FAM72A: variants seen among roughly 807,000 people sequenced by gnomAD.
FAM72A encodes the protein regulator of UNG2 and MKLN1 interacting yippee protein 1, also known as protein FAM72A.
FAM72A carries 1 observed loss-of-function variant against 11.3 expected under a neutral mutation model. The observed-to-expected ratio is 0.09, with a 90% CI of 0.03 to 0.42. The LOEUF (loss-of-function observed/expected upper bound fraction) is 0.42, where lower values mean the gene tolerates loss of function less well. Ranked by LOEUF, FAM72A falls within the 10% of genes least tolerant of loss-of-function variation. The pLI, the probability that FAM72A is intolerant of heterozygous loss-of-function variation, is 0.98. For missense variants in FAM72A, 15 were observed against 135.5 expected, an observed-to-expected ratio of 0.11 and a Z score of 4.41; for synonymous variants, 5 against 46.9, an observed-to-expected ratio of 0.11 and a Z score of 3.65.
upstream of FAM72A, chr1:206,204,800 C>G (rs1211340135): frequency 4.1e-5 from 5 of 123,182 alleles, no homozygotes; most frequent in Non-Finnish European, 6.5e-5. Flanking sequence ...CGCCGCCCCC[C>G]GGTTTTCCCG....
chr1:206,203,518 G>T (rs1345920117), upstream of FAM72A: 1 of 505,432 alleles, frequency 2.0e-6, no homozygotes, highest in East Asian at 3.1e-5. Context: ...GCGGGGTCCT[G>T]CGGAGTTGGC....
chr1:206,190,544 C>G (rs1186204314), intron 3 of FAM72A, among the ~76,000 whole-genome samples: 1 of 147,612 alleles, frequency 6.8e-6, no homozygotes, highest in Non-Finnish European at 1.5e-5. Context: ...CATTTAGGAA[C>G]CTAAGAATGC....
intron 3 of FAM72A, among the ~76,000 whole-genome samples, chr1:206,190,914 T>G (rs1409141497): frequency 6.6e-6 from 1 of 150,490 alleles, no homozygotes; most frequent in African/African-American, 2.4e-5. Context: ...TGGTCTGTTG[T>G]GTAAATAGAT....
In FAM72A at chr1:206,195,842, A is replaced by G. The variant is rs1283516728; in HGVS notation, c.265T>C (p.Cys89Arg). ...NIVGYHVIVPCSSCLLSCNNG... is the reference protein window; with the variant it reads ...NIVGYHVIVPRSSCLLSCNNG... ...TTGCAGGAAAGAAGACAGGAACTAC[A>G]TGGAACAATCACATGATAACCTACA... is the stretch of plus-strand genomic sequence containing the variant. The change falls in exon 3 of 4, where the codon TGT becomes CGT. Residue 89 changes from cysteine to arginine, a missense_variant. This residue lies in a region of FAM72A where 5 missense variants were observed against 100.4 expected (regional missense o/e 0.05). Coordinates refer to ENST00000367128, the MANE Select transcript of FAM72A (RefSeq NM_001123168.3). 6.2e-7 allele frequency: 1 copy of G among 1,611,686 alleles called. No homozygotes were observed. Among genetic ancestry groups the G allele is most frequent in the Admixed American group, 1.7e-5 (1 of 59,968 alleles).
intron 3 of FAM72A, among the ~76,000 whole-genome samples, chr1:206,193,098 A>T (rs1664878274): frequency 6.6e-6 from 1 of 150,988 alleles, no homozygotes; most frequent in Non-Finnish European, 1.5e-5. Context: ...TTTTTAGTAG[A>T]GACGGGGTTT....
chr1:206,196,732 A>G (rs1643379267), intron 2 of FAM72A, among the ~76,000 whole-genome samples: 1 of 148,932 alleles, frequency 6.7e-6, no homozygotes, highest in African/African-American at 2.5e-5. Flanking sequence ...GAAAGTTGCA[A>G]AAGTTTTTAC....
chr1:206,193,722 CT>C (rs1302163574), intron 3 of FAM72A, among the ~76,000 whole-genome samples: 2 of 151,680 alleles, frequency 1.3e-5, no homozygotes, highest in Non-Finnish European at 2.9e-5. Context: ...TGCCTGTGCG[CT>C]GTCAATGAAA....
At chr1:206,192,141 T>A (rs1187754094) in intron 3 of FAM72A, among the ~76,000 whole-genome samples, 2 of 55,432 alleles carry the variant, frequency 3.6e-5, no homozygotes, top group African/African-American at 1.7e-4. Context: ...TATATTATGG[T>A]GATCTGTGAT....
At chr1:206,198,642 C>A (rs146121570) in intron 2 of FAM72A, among the ~76,000 whole-genome samples, 1 of 151,702 alleles carries the variant, frequency 6.6e-6, no homozygotes, top group Non-Finnish European at 1.5e-5. Flanking sequence ...AATAATAACA[C>A]GTCTACTCAA....
intron 2 of FAM72A, among the ~76,000 whole-genome samples, chr1:206,197,041 G>A (rs1665103170): frequency 6.8e-6 from 1 of 148,062 alleles, no homozygotes; most frequent in Non-Finnish European, 1.5e-5. Flanking sequence ...TGCTTGAAAG[G>A]CAAACAAATG....
At chr1:206,196,546 G>A (rs1665066273) in intron 2 of FAM72A, among the ~76,000 whole-genome samples, 1 of 109,378 alleles carries the variant, frequency 9.1e-6, no homozygotes, top group East Asian at 2.5e-4. Flanking sequence ...CAGGACTGTG[G>A]CAAGTTGGGT....
upstream of FAM72A, chr1:206,203,020 G>T (rs1460105946): frequency 6.5e-6 from 1 of 153,336 alleles, no homozygotes; most frequent in African/African-American, 2.4e-5. Flanking sequence ...CCCCAGTAAC[G>T]GTGCTGAGAT....
intron 2 of FAM72A, among the ~76,000 whole-genome samples, chr1:206,197,253 C>T (rs1553298448): frequency 1.3e-5 from 2 of 152,248 alleles, no homozygotes; most frequent in African/African-American, 4.8e-5. Flanking sequence ...AAACAAAGCC[C>T]TTGTTCTCAC....
upstream of FAM72A, chr1:206,203,744 G>A (rs1665551268): frequency 6.9e-6 from 10 of 1,439,642 alleles, no homozygotes; most frequent in Non-Finnish European, 9.3e-6. Context: ...AGGAGAGGGC[G>A]CGGATGCTGC....
intron 3 of FAM72A, among the ~76,000 whole-genome samples, chr1:206,187,658 G>A (rs1213853394): frequency 6.6e-6 from 1 of 152,106 alleles, no homozygotes; most frequent in Non-Finnish European, 1.5e-5. Context: ...TGAACCTCCA[G>A]GGCTCAAGTG....
chr1:206,203,283 G>A (rs1169467353), upstream of FAM72A: 5 of 395,898 alleles, frequency 1.3e-5, no homozygotes, highest in Admixed American at 1.3e-4. Context: ...TTTGGTCGTC[G>A]GTTCCACCTT....
intron 2 of FAM72A, among the ~76,000 whole-genome samples, chr1:206,197,639 TGCGGTG>T (rs1485790061): frequency 8.0e-4 from 93 of 116,966 alleles, no homozygotes; most frequent in African/African-American, 3.0e-3. Context: ...GTTCTTCGGG[TGCGGTG>T]GCTCATGCCT....
At chr1:206,196,957 C>T (rs1665096265) in intron 2 of FAM72A, among the ~76,000 whole-genome samples, 1 of 145,120 alleles carries the variant, frequency 6.9e-6, no homozygotes, top group Admixed American at 6.9e-5. Context: ...GTGAGTCAGT[C>T]ATTTTTATGA....
rs1156649700 is a variant in FAM72A, at chr1:206,187,202, T to G, written c.*77A>C. 15 of 1,306,566 alleles carry G rather than the reference T, an allele frequency of 1.1e-5. No homozygotes were observed. In the East Asian group the frequency reaches 4.0e-4, roughly 34 times the overall value. The allele number at this position is 1,306,566 out of a possible 1,614,324, so 80.9% of individuals were successfully genotyped here. On this transcript the variant is annotated 3_prime_UTR_variant, in exon 4 of 4. Transcript: ENST00000367128. Reference sequence around the variant, plus strand: ...TTTTCCAAAAAAGATCACTGGCAACTAACAATTTTAAAGTTGATCCATTAA... The same window carrying G: ...TTTTCCAAAAAAGATCACTGGCAACGAACAATTTTAAAGTTGATCCATTAA...
Sources: allele counts gnomAD v4.1 joint callset (sites outside exome capture counted in the v4.1 genomes callset), GRCh38; gene constraint gnomAD v4.1.1; regional missense constraint gnomAD v4.1.1; transcripts MANE v1.5; gene names NCBI Gene and HGNC (gene_info 2026-07-23, HGNC 2026-07-21).